Variants in C1orf21 observed in about 807,000 individuals in gnomAD.
C1orf21 encodes chromosome 1 open reading frame 21.
A neutral mutation model predicts 18.7 loss-of-function variants in C1orf21; 3 were observed. The observed-to-expected ratio is 0.16, with a 90% CI of 0.07 to 0.42. The LOEUF (loss-of-function observed/expected upper bound fraction) is 0.42, where lower values mean the gene tolerates loss of function less well. C1orf21 is among the 10% of genes least tolerant of loss of function. The probability of loss-of-function intolerance (pLI) is 0.99; values close to 1 mark genes in which losing one functional copy is unlikely to be tolerated. For missense variants in C1orf21, 104 were observed against 143.6 expected (o/e 0.72, Z 1.41); for synonymous variants, 41 against 46.4 (o/e 0.88, Z 0.47).
chr1:184,400,144 C>T (rs549549679), intron 1 of C1orf21, among the ~76,000 whole-genome samples: 1 of 152,170 alleles, frequency 6.6e-6, no homozygotes, highest in Admixed American at 6.5e-5. Context: ...AAATTGGCTT[C>T]TGAATCTTTT....
chr1:184,413,586 GA>G (rs1656395187), intron 1 of C1orf21, among the ~76,000 whole-genome samples: 2 of 152,198 alleles, frequency 1.3e-5, no homozygotes, highest in East Asian at 3.8e-4. Context: ...GACTGCACCA[GA>G]AAACTATGTT....
At chr1:184,459,024 G>A (rs145151602) in intron 1 of C1orf21, among the ~76,000 whole-genome samples, 6 of 152,190 alleles carry the variant, frequency 3.9e-5, no homozygotes, top group East Asian at 1.9e-4. Flanking sequence ...CTACTTAAAC[G>A]TTATTTAACC....
chr1:184,524,130 A>G (rs1341568967), intron 3 of C1orf21, among the ~76,000 whole-genome samples: 1 of 152,086 alleles, frequency 6.6e-6, no homozygotes, highest in Non-Finnish European at 1.5e-5. Context: ...CACGTTCTAA[A>G]ATGTGTTTAT....
chr1:184,424,049 G>T (rs953809287), intron 1 of C1orf21, among the ~76,000 whole-genome samples: 1 of 152,194 alleles, frequency 6.6e-6, no homozygotes, highest in African/African-American at 2.4e-5. Context: ...TTGTTGGAAA[G>T]TTCTTTTTTC....
intron 3 of C1orf21, among the ~76,000 whole-genome samples, chr1:184,579,044 T>C (rs1201930905): frequency 4.1e-5 from 6 of 146,584 alleles, no homozygotes; most frequent in Non-Finnish European, 9.1e-5. Context: ...CCCTTTAAAG[T>C]TCTTTTTTTT....
intron 2 of C1orf21, among the ~76,000 whole-genome samples, chr1:184,506,207 G>T (rs957006188): frequency 1.3e-5 from 2 of 152,068 alleles, no homozygotes; most frequent in African/African-American, 4.8e-5. Flanking sequence ...TAAATTGTCA[G>T]GTGGAAAAAA....
At chr1:184,586,953 T>G (rs1489210751) in intron 3 of C1orf21, among the ~76,000 whole-genome samples, 3 of 152,202 alleles carry the variant, frequency 2.0e-5, no homozygotes, top group African/African-American at 7.2e-5. Flanking sequence ...TTGAGTTAAT[T>G]TTTGTATATC....
rs1659425326 is a variant in C1orf21 at position 184,590,752 on chromosome 1, G to A, written c.203G>A (p.Ser68Asn). The part of the protein sequence containing the change: ...RNQENLEKSA[S>N]SNVRLKTNKE... ...TATGTGTTTCAGGAAAAAAGTGCCA[G>A]CTCAAATGTAAGACTTAAAACTAAT... Residue 68 changes from serine (S) to asparagine (N), a missense_variant, in exon 4 of 6, where the codon AGC becomes AAC. Coordinates refer to ENST00000235307, the MANE Select transcript of C1orf21 (RefSeq NM_030806.4). The A allele has an allele frequency of 2.5e-6, 4 of 1,613,774 alleles. No homozygotes were observed. Among genetic ancestry groups the A allele is most frequent in the African/African-American group, 1.3e-5 (1 of 74,894 alleles).
At chr1:184,498,388 T>TTCTC (rs139987621) in intron 2 of C1orf21, among the ~76,000 whole-genome samples, 2 of 151,204 alleles carry the variant, frequency 1.3e-5, no homozygotes, top group African/African-American at 4.8e-5. Flanking sequence ...TGTCTATGCG[T>TTCTC]TCTCTCTCTC....
Position 184,494,405 on chromosome 1 carries a change from G to A in C1orf21, c.95-13183G>A, listed in dbSNP as rs567738709. Among the ~76,000 whole-genome samples, 3 of 152,234 alleles carry A rather than the reference G, an allele frequency of 2.0e-5. No individual in the cohort carries two copies. The East Asian group carries it at 5.8e-4, about 29-fold the overall frequency. ...AGGAGAGGGTTTTGAGTGCAGGGGA[G>A]TGATGAGGTCTGACTGCTACGTAGG... On this transcript the variant is annotated intron_variant, in intron 2 of 5. Transcript: ENST00000235307.
In C1orf21 at chr1:184,623,045, A is replaced by T. The variant is rs1383381422; in HGVS notation, c.*3489A>T. 1.3e-5 allele frequency: 2 copies of T among 151,932 alleles called. No homozygotes were observed. The highest frequency in any genetic ancestry group is 6.6e-5 in the Admixed American group (1 of 15,252). The allele number at this position is 151,932 out of a possible 1,614,324, so 9.4% of individuals were successfully genotyped here. A position where few individuals can be genotyped will look rare whatever the true frequency, so the allele number is the denominator to read the frequency against. On this transcript the variant is annotated 3_prime_UTR_variant, in exon 6 of 6. Transcript: ENST00000235307. ...ATCCCTGTTTTTCTGTTAGGGCAAG[A>T]CTCTTCCATAAGCCTGCTAAAAAAC...
At chr1:184,602,394 TA>T (rs1659596577) in intron 5 of C1orf21, among the ~76,000 whole-genome samples, 3 of 152,198 alleles carry the variant, frequency 2.0e-5, no homozygotes, top group African/African-American at 4.8e-5. Flanking sequence ...TTTTGGAGAG[TA>T]AAAACACTGT....
chr1:184,470,994 G>A (rs553192581), intron 1 of C1orf21, among the ~76,000 whole-genome samples: 1 of 152,240 alleles, frequency 6.6e-6, no homozygotes, highest in South Asian at 2.1e-4. Context: ...GGTCCACACA[G>A]CTGTGAATGT....
At chr1:184,453,410 A>T (rs1657151982) in intron 1 of C1orf21, among the ~76,000 whole-genome samples, 1 of 152,148 alleles carries the variant, frequency 6.6e-6, no homozygotes, top group Non-Finnish European at 1.5e-5. Flanking sequence ...TTTTAGTTTG[A>T]AGTACTGACG....
chr1:184,414,151 T>G (rs1376398636), intron 1 of C1orf21, among the ~76,000 whole-genome samples: 7 of 152,128 alleles, frequency 4.6e-5, no homozygotes, highest in Non-Finnish European at 8.8e-5. Context: ...CACTTTTTCT[T>G]TTTCTAGAGG....
At chr1:184,555,525 C>A (rs767147293) in intron 3 of C1orf21, among the ~76,000 whole-genome samples, 21 of 141,024 alleles carry the variant, frequency 1.5e-4, no homozygotes, top group Admixed American at 5.1e-4. Context: ...GCACACACAC[C>A]CCCACACACC....
intron 3 of C1orf21, among the ~76,000 whole-genome samples, chr1:184,557,429 G>A (rs1658895082): frequency 6.6e-6 from 1 of 152,058 alleles, no homozygotes; most frequent in Non-Finnish European, 1.5e-5. Flanking sequence ...AATCCCCAAA[G>A]TCCATTGTAT....
At chr1:184,486,268 T>G (rs1157028677) in intron 2 of C1orf21, among the ~76,000 whole-genome samples, 1 of 152,198 alleles carries the variant, frequency 6.6e-6, no homozygotes, top group East Asian at 1.9e-4. Context: ...GAAACATGCG[T>G]GTATGTGAGC....
intron 2 of C1orf21, among the ~76,000 whole-genome samples, chr1:184,503,820 C>G (rs960141183): frequency 6.6e-6 from 1 of 152,120 alleles, no homozygotes; most frequent in African/African-American, 2.4e-5. Context: ...ATAGAACTGA[C>G]TTTTAAATGA....
Sources: gnomAD v4.1 joint callset for allele counts (sites outside exome capture counted in the v4.1 genomes callset) on GRCh38, gnomAD v4.1.1 for gene constraint, MANE v1.5 for transcripts, NCBI Gene and HGNC (gene_info 2026-07-23, HGNC 2026-07-21) for gene names.